The following EXOC7 variants were observed in gnomAD, a reference collection of about 807,000 sequenced individuals.
EXOC7 encodes exocyst complex component 7.
A neutral mutation model predicts 87.6 loss-of-function variants in EXOC7; 51 were observed. The observed-to-expected ratio is 0.58, with a 90% CI of 0.46 to 0.73. EXOC7 has a LOEUF of 0.73. Among genes scored for constraint, EXOC7 ranks in the 30% least tolerant of loss-of-function variants. The probability of loss-of-function intolerance (pLI) is 0.00; values close to 1 mark genes in which losing one functional copy is unlikely to be tolerated. For missense variants in EXOC7, 744 were observed against 888.4 expected, an observed-to-expected ratio of 0.84 and a Z score of 2.07; for synonymous variants, 327 against 357.1, an observed-to-expected ratio of 0.92 and a Z score of 0.95.
chr17:76,102,670 A>G (rs1394714597), intron 2 of EXOC7, among the ~76,000 whole-genome samples: 3 of 152,214 alleles, frequency 2.0e-5, no homozygotes, highest in Non-Finnish European at 4.4e-5. Flanking sequence ...TTGTGTGACT[A>G]AATGCAAATA....
In EXOC7 at chr17:76,088,539, G is replaced by A. The variant is rs1270302456; in HGVS notation, c.1224C>T (p.Asn408=). 1 of 1,613,886 alleles carries A rather than the reference G, an allele frequency of 6.2e-7. No individual in the cohort carries two copies. The highest frequency in any genetic ancestry group is 1.3e-5 in the African/African-American group (1 of 75,024). Residue 408 remains asparagine (N), a synonymous_variant, in exon 10 of 19, where the codon AAC becomes AAT. Transcript: ENST00000589210. ...TGGATGTGATGAGGCCAGGCAGCTT[G>A]TTCTTTGTGCTGGCAGCCGTGCCCT... ...VLQGTAASTK[N]KLPGLITSME...
In EXOC7 at chr17:76,085,359, G is replaced by A. The variant is rs891827951; in HGVS notation, c.1667C>T (p.Ser556Phe). 3.1e-6 allele frequency: 5 copies of A among 1,610,222 alleles called. No individual in the cohort carries two copies. The highest frequency in any genetic ancestry group is 4.2e-6 in the Non-Finnish European group (5 of 1,178,938). ...VAVTQKTAER[S>F]YREHIEQQIQ... Reference sequence around the variant, plus strand: ...CTGCTGCTCAATGTGCTCCCGGTAGGAGCGCTCAGCAGTCTTCTGTGTCAC... The same window carrying A: ...CTGCTGCTCAATGTGCTCCCGGTAGAAGCGCTCAGCAGTCTTCTGTGTCAC... Residue 556 changes from serine to phenylalanine, a missense_variant, in exon 15 of 19, where the codon TCC (serine) becomes TTC (phenylalanine). Transcript: ENST00000589210.
In EXOC7 at chr17:76,082,787, T is replaced by C. The variant is rs78028737; in HGVS notation, c.*861A>G. On this transcript the variant is annotated 3_prime_UTR_variant, in exon 19 of 19. Transcript: ENST00000589210. The stretch of plus-strand genomic sequence containing the variant: ...TAGCACACAAGCACAGAGCGTGAAA[T>C]AAACCCATCTCCAGTGCAAGTGTGC... 109 of 826,306 alleles carry C rather than the reference T, an allele frequency of 1.3e-4. No individual in the cohort carries two copies. In the East Asian group the frequency reaches 2.3e-3, roughly 17 times the overall value. The allele number at this position is 826,306 out of a possible 1,614,324, so 51.2% of individuals were successfully genotyped here.
chr17:76,101,885 A>C, intron 2 of EXOC7, 22 bp from the exon 3 acceptor site: 1 of 1,595,988 alleles, frequency 6.3e-7, no homozygotes, highest in Non-Finnish European at 8.5e-7. Flanking sequence ...AAGCCTCTTG[A>C]TCTTGGGACT....
rs779646744 is a variant in EXOC7, at chr17:76,081,507, C to T, written c.*2141G>A. 12 of 1,608,688 alleles carry T rather than the reference C, an allele frequency of 7.5e-6. No homozygotes were observed. Among genetic ancestry groups the T allele is most frequent in the South Asian group, 2.2e-5 (2 of 90,852 alleles). Reference sequence around the variant, plus strand: ...CCATGCCCCCGATGCCCACCTCCTTCCCCCCCGCCGGGAAGGCCCTGACTT... The same window carrying T: ...CCATGCCCCCGATGCCCACCTCCTTTCCCCCCGCCGGGAAGGCCCTGACTT... On this transcript the variant is annotated 3_prime_UTR_variant, in exon 19 of 19. Coordinates refer to ENST00000589210, the MANE Select transcript of EXOC7 (RefSeq NM_001013839.4).
At chr17:76,085,989 C>A in intron 13 of EXOC7, 91 bp downstream of exon 13, 1 of 1,540,400 alleles carries the variant, frequency 6.5e-7, no homozygotes, top group Non-Finnish European at 8.8e-7. Flanking sequence ...AGGAGAGGGC[C>A]CTGGGAATAG....
At chr17:76,085,932 C>G (rs1373423878) in intron 13 of EXOC7, 135 bp from the exon 14 acceptor site, 1 of 1,516,608 alleles carries the variant, frequency 6.6e-7, no homozygotes, top group Non-Finnish European at 8.9e-7. Context: ...TCCCCTCAGC[C>G]TCTGAACTAG....
At chr17:76,088,739 G>C (rs770971524) in intron 9 of EXOC7, 32 bp downstream of exon 9, 1 of 1,612,282 alleles carries the variant, frequency 6.2e-7, no homozygotes, top group East Asian at 2.2e-5. Context: ...ATGCCTCCTG[G>C]CTGTGTTTTT....
At chr17:76,094,711 C>T (rs1489716724) in intron 5 of EXOC7, 130 bp from the exon 6 acceptor site, 2 of 877,828 alleles carry the variant, frequency 2.3e-6, no homozygotes, top group African/African-American at 1.7e-5. Context: ...ACAAGCCACC[C>T]ATATCTTGTC....
intron 4 of EXOC7, among the ~76,000 whole-genome samples, chr17:76,099,935 C>T (rs2067975709): frequency 6.6e-6 from 1 of 152,010 alleles, no homozygotes; most frequent in African/African-American, 2.4e-5. Context: ...GACCTCATCT[C>T]TACAAAAAAT....
chr17:76,100,527 G>A (rs967184316), intron 4 of EXOC7, among the ~76,000 whole-genome samples: 3 of 151,768 alleles, frequency 2.0e-5, no homozygotes, highest in Admixed American at 2.0e-4. Context: ...CAGCTACTCA[G>A]GAGGCTGAGG....
At chr17:76,088,601 C>A in intron 9 of EXOC7, 39 bp from the exon 10 acceptor site, 2 of 1,604,768 alleles carry the variant, frequency 1.2e-6, no homozygotes, top group South Asian at 2.2e-5. Flanking sequence ...CACCTCCAGT[C>A]GCTCTGTGAG....
At position 76,081,269 on chromosome 17, in the gene EXOC7, ACCCCTCAGCGATGGAGTTAGAGTT is replaced by A; in HGVS notation, c.*2355_*2378del. 2 of 1,613,154 alleles carry A rather than the reference ACCCCTCAGCGATGGAGTTAGAGTT, an allele frequency of 1.2e-6. No individual in the cohort carries two copies. The highest frequency in any genetic ancestry group is 1.7e-6 in the Non-Finnish European group (2 of 1,179,882). On this transcript the variant is annotated 3_prime_UTR_variant, in exon 19 of 19. Coordinates refer to ENST00000589210, the MANE Select transcript of EXOC7 (RefSeq NM_001013839.4). ...TTCCTGGTTCATAGTTCTCATTCCCACCCCTCAGCGATGGAGTTAGAGTTCCAGGCCCACGTGGTGAACGAGATT... is the reference window on the plus strand; with the variant it reads ...TTCCTGGTTCATAGTTCTCATTCCCACCAGGCCCACGTGGTGAACGAGATT...
At chr17:76,099,323 T>G (rs1159082192) in intron 4 of EXOC7, among the ~76,000 whole-genome samples, 2 of 152,098 alleles carry the variant, frequency 1.3e-5, no homozygotes, top group East Asian at 3.9e-4. Flanking sequence ...CTGGCCAACA[T>G]GGTGAAACCC....
chr17:76,082,380 C>CT lies in EXOC7; in HGVS notation c.*1267dup, dbSNP rs1438743634. On this transcript the variant is annotated 3_prime_UTR_variant, in exon 19 of 19. Coordinates refer to ENST00000589210, the MANE Select transcript of EXOC7 (RefSeq NM_001013839.4). ...AATCTAAGAAAGGAAGCGATACAGGCTGATGACCCCTGGGGTTCGCTCTTC... is the reference window on the plus strand; with the variant it reads ...AATCTAAGAAAGGAAGCGATACAGGCTTGATGACCCCTGGGGTTCGCTCTTC... 4.4e-6 allele frequency: 6 copies of CT among 1,377,250 alleles called. No homozygotes were observed. The highest frequency in any genetic ancestry group is 5.9e-6 in the Non-Finnish European group (6 of 1,010,726). The allele number at this position is 1,377,250 out of a possible 1,614,324, so 85.3% of individuals were successfully genotyped here.
chr17:76,101,609 G>C, intron 3 of EXOC7, 70 bp downstream of exon 3: 1 of 1,527,150 alleles, frequency 6.5e-7, no homozygotes, highest in Non-Finnish European at 8.9e-7. Flanking sequence ...AAATTGTTGG[G>C]ATTACAGACC....
At chr17:76,084,651 T>C (rs775311148) in intron 15 of EXOC7, 71 bp from the exon 16 acceptor site, 2 of 1,402,390 alleles carry the variant, frequency 1.4e-6, no homozygotes, top group Admixed American at 3.7e-5. Flanking sequence ...TTTCGTTTGC[T>C]AAATCTCTGG....
intron 12 of EXOC7, chr17:76,086,770 T>C (rs1398200582): frequency 1.6e-6 from 2 of 1,258,308 alleles, no homozygotes; most frequent in African/African-American, 1.5e-5. Flanking sequence ...GGCTCCCCAG[T>C]AGGTACTGAG....
intron 14 of EXOC7, 107 bp from the exon 15 acceptor site, chr17:76,085,516 G>A: frequency 6.7e-7 from 1 of 1,500,898 alleles, no homozygotes; most frequent in Non-Finnish European, 9.1e-7. Flanking sequence ...AACTCCACAA[G>A]CTCTATGGCA....
Sources: allele counts gnomAD v4.1 joint callset (sites outside exome capture counted in the v4.1 genomes callset), GRCh38; gene constraint gnomAD v4.1.1; transcripts MANE v1.5; gene names NCBI Gene and HGNC (gene_info 2026-07-23, HGNC 2026-07-21).